Variants in ROBO2 observed in about 807,000 individuals in gnomAD.
ROBO2 encodes roundabout guidance receptor 2.
In ROBO2, 53 loss-of-function variants were observed where a neutral mutation model predicts 160.8. The observed-to-expected ratio is 0.33, with a 90% CI of 0.26 to 0.41. The LOEUF (loss-of-function observed/expected upper bound fraction) is 0.41, where lower values mean the gene tolerates loss of function less well. Ranked by LOEUF, ROBO2 falls within the 10% of genes least tolerant of loss-of-function variation. The pLI is 1.00. For missense variants in ROBO2, 1,577 were observed against 1,722.4 expected (o/e 0.92, Z 1.49); for synonymous variants, 664 against 611.7 (o/e 1.09, Z -1.26).
chr3:75,980,356 T>A (rs2065242589), intron 2 of ROBO2, among the ~76,000 whole-genome samples: 1 of 151,606 alleles, frequency 6.6e-6, no homozygotes, highest in African/African-American at 2.4e-5. Context: ...ATTCCATTAA[T>A]CTTCTATAGA....
chr3:76,064,613 C>G (rs911080364), intron 2 of ROBO2, among the ~76,000 whole-genome samples: 6 of 152,134 alleles, frequency 3.9e-5, no homozygotes, highest in African/African-American at 1.4e-4. Flanking sequence ...CTAATAATTA[C>G]TTTTATTCCT....
At chr3:76,774,650 T>G (rs762930223) in intron 2 of ROBO2, among the ~76,000 whole-genome samples, 17 of 150,746 alleles carry the variant, frequency 1.1e-4, no homozygotes, top group Non-Finnish European at 2.4e-4. Flanking sequence ...AGATCAAGAC[T>G]AGAGACAGAT....
intron 2 of ROBO2, among the ~76,000 whole-genome samples, chr3:76,938,971 C>CAAAAA (rs71629626): frequency 4.1e-4 from 47 of 114,572 alleles, no homozygotes; most frequent in South Asian, 8.2e-4. Flanking sequence ...AACTCAGTCT[C>CAAAAA]AAAAAAAAAA....
At chr3:77,009,054 T>C (rs890018000) in intron 2 of ROBO2, among the ~76,000 whole-genome samples, 5 of 152,200 alleles carry the variant, frequency 3.3e-5, no homozygotes, top group Non-Finnish European at 7.4e-5. Context: ...TGCCATGTGG[T>C]CAATTTCCTT....
chr3:76,687,545 GA>G (rs1230345733), intron 2 of ROBO2, among the ~76,000 whole-genome samples: 1 of 151,902 alleles, frequency 6.6e-6, no homozygotes, highest in Non-Finnish European at 1.5e-5. Flanking sequence ...ACTCGAGAAA[GA>G]AACGGGCTCA....
At chr3:76,602,552 C>T (rs578088276) in intron 2 of ROBO2, among the ~76,000 whole-genome samples, 2 of 152,212 alleles carry the variant, frequency 1.3e-5, no homozygotes, top group African/African-American at 4.8e-5. Context: ...GAATGCGAAT[C>T]AAGTGAAAGG....
rs184205235 is a variant in ROBO2 at position 76,209,771 on chromosome 3, C to T, written c.109+272169C>T. Among the ~76,000 whole-genome samples the T allele has an allele frequency of 3.0e-3, 451 of 152,126 alleles. 2 individuals carry two copies. The highest frequency in any genetic ancestry group is 0.011 in the African/African-American group (438 of 41,516). ...CATAGCAGCTGGGGATTAAACTACA[C>T]AGGGGTATAGAGAATAAACATGGTC... On this transcript the variant is annotated intron_variant, in intron 2 of 26. Transcript: ENST00000487694.
chr3:76,701,542 C>A (rs768821870), intron 2 of ROBO2, among the ~76,000 whole-genome samples: 1 of 151,956 alleles, frequency 6.6e-6, no homozygotes, highest in Non-Finnish European at 1.5e-5. Flanking sequence ...TTCATTGAAT[C>A]CAGCCTCTTC....
chr3:76,160,667 T>C (rs759131897), intron 2 of ROBO2, among the ~76,000 whole-genome samples: 2 of 152,176 alleles, frequency 1.3e-5, no homozygotes, highest in Admixed American at 1.3e-4. Context: ...CTAAGCCTCA[T>C]CATAAATTTG....
intron 2 of ROBO2, among the ~76,000 whole-genome samples, chr3:77,014,129 A>G (rs762886465): frequency 4.6e-5 from 7 of 151,172 alleles, no homozygotes; most frequent in Non-Finnish European, 7.4e-5. Context: ...CAGTTGTGTG[A>G]AATCTCATTT....
intron 2 of ROBO2, among the ~76,000 whole-genome samples, chr3:76,796,584 T>C (rs2063719735): frequency 6.6e-6 from 1 of 151,758 alleles, no homozygotes. Context: ...AAAATGACAA[T>C]AATAAGCTAT....
chr3:76,822,998 T>C (rs779921902), intron 2 of ROBO2, among the ~76,000 whole-genome samples: 4 of 152,070 alleles, frequency 2.6e-5, no homozygotes, highest in Non-Finnish European at 5.9e-5. Flanking sequence ...ATAAGGACAA[T>C]TACAAACTAC....
At chr3:76,786,348 C>T (rs1373400303) in intron 2 of ROBO2, among the ~76,000 whole-genome samples, 1 of 151,232 alleles carries the variant, frequency 6.6e-6, no homozygotes, top group South Asian at 2.1e-4. Context: ...ATAAAAAACA[C>T]AATTTAATTG....
chr3:77,065,238 T>A (rs1314589060), intron 1 of ROBO2, among the ~76,000 whole-genome samples: 2 of 152,122 alleles, frequency 1.3e-5, no homozygotes, highest in Non-Finnish European at 2.9e-5. Flanking sequence ...AGTAGAGCAA[T>A]AAATCACATA....
At chr3:77,345,060 G>C (rs1371596018) in intron 2 of ROBO2, among the ~76,000 whole-genome samples, 1 of 151,842 alleles carries the variant, frequency 6.6e-6, no homozygotes, top group East Asian at 1.9e-4. Flanking sequence ...TGTGGTTTTA[G>C]CTTGGGAAAC....
chr3:77,001,992 G>T (rs1383878511), intron 2 of ROBO2, among the ~76,000 whole-genome samples: 1 of 152,006 alleles, frequency 6.6e-6, no homozygotes, highest in Non-Finnish European at 1.5e-5. Flanking sequence ...TTAAATAAAA[G>T]CATTTTTAAG....
At chr3:76,463,621 T>G (rs1401223059) in intron 2 of ROBO2, among the ~76,000 whole-genome samples, 1 of 152,116 alleles carries the variant, frequency 6.6e-6, no homozygotes, top group African/African-American at 2.4e-5. Context: ...GACTGGCTCA[T>G]TTATAGTTAC....
At chr3:76,010,304 A>G (rs2066157224) in intron 2 of ROBO2, among the ~76,000 whole-genome samples, 1 of 152,232 alleles carries the variant, frequency 6.6e-6, no homozygotes, top group African/African-American at 2.4e-5. Context: ...CCTGCTGTGT[A>G]TATGCAGCAA....
chr3:76,831,928 T>C (rs2067130857), intron 2 of ROBO2, among the ~76,000 whole-genome samples: 1 of 152,186 alleles, frequency 6.6e-6, no homozygotes. Context: ...TGCTGGAATT[T>C]ACCAGAATAG....
Sources: gnomAD v4.1 joint callset for allele counts (sites outside exome capture counted in the v4.1 genomes callset) on GRCh38, gnomAD v4.1.1 for gene constraint, MANE v1.5 for transcripts, NCBI Gene and HGNC (gene_info 2026-07-23, HGNC 2026-07-21) for gene names.